The following GPC5 variants were observed in gnomAD, a reference collection of about 807,000 sequenced individuals.
GPC5 encodes glypican 5, also known as glypican-5.
In GPC5, 47 loss-of-function variants were observed where a neutral mutation model predicts 53.9. That is an observed-to-expected ratio of 0.87 (90% CI 0.69 to 1.11). GPC5 has a LOEUF of 1.11. Ranked by LOEUF, GPC5 falls within the 50% of genes most tolerant of loss-of-function variation. GPC5 has a pLI of 0.00. For synonymous variants in GPC5, 286 were observed against 263.3 expected (o/e 1.09, Z -0.84); for missense variants, 748 against 713.1 (o/e 1.05, Z -0.56).
chr13:92,125,928 T>TG (rs2041692373), intron 6 of GPC5, among the ~76,000 whole-genome samples: 2 of 3,238 alleles, frequency 6.2e-4, no homozygotes, highest in African/African-American at 1.1e-3. Flanking sequence ...TTTTTGGTTT[T>TG]TTTTTTTTTT....
intron 5 of GPC5, among the ~76,000 whole-genome samples, chr13:91,765,263 C>A (rs2138675862): frequency 6.6e-6 from 1 of 152,352 alleles, no homozygotes; most frequent in South Asian, 2.1e-4. Flanking sequence ...TGAGGGAATG[C>A]CGTAGCAGTT....
At chr13:91,915,937 G>T (rs1468110881) in intron 6 of GPC5, among the ~76,000 whole-genome samples, 2 of 152,004 alleles carry the variant, frequency 1.3e-5, no homozygotes, top group East Asian at 3.9e-4. Context: ...TAATTTCAAA[G>T]AATTAAAAAA....
At chr13:91,682,544 T>C (rs1370802155) in intron 2 of GPC5, among the ~76,000 whole-genome samples, 1 of 152,194 alleles carries the variant, frequency 6.6e-6, no homozygotes, top group African/African-American at 2.4e-5. Context: ...TTATAGGGCA[T>C]TTGAACCAAA....
chr13:92,329,180 G>A (rs1184273942), intron 7 of GPC5, among the ~76,000 whole-genome samples: 1 of 152,088 alleles, frequency 6.6e-6, no homozygotes, highest in Non-Finnish European at 1.5e-5. Flanking sequence ...CTGAGGCTGG[G>A]TAATTGATAA....
At chr13:92,332,711 G>T (rs1236101709) in intron 7 of GPC5, among the ~76,000 whole-genome samples, 1 of 152,072 alleles carries the variant, frequency 6.6e-6, no homozygotes, top group Non-Finnish European at 1.5e-5. Context: ...GACAAAAACA[G>T]AAAAAGACTA....
chr13:92,506,132 T>A (rs1187780512), intron 7 of GPC5, among the ~76,000 whole-genome samples: 1 of 152,132 alleles, frequency 6.6e-6, no homozygotes, highest in African/African-American at 2.4e-5. Context: ...AAATATGACC[T>A]TAAAAATAAT....
chr13:91,528,958 G>A (rs1886212448), intron 2 of GPC5, among the ~76,000 whole-genome samples: 1 of 152,160 alleles, frequency 6.6e-6, no homozygotes, highest in South Asian at 2.1e-4. Flanking sequence ...TTCCCACTAG[G>A]TCTCTCCCTC....
At chr13:92,056,063 T>C (rs1180067679) in intron 6 of GPC5, among the ~76,000 whole-genome samples, 1 of 152,200 alleles carries the variant, frequency 6.6e-6, no homozygotes, top group Admixed American at 6.5e-5. Flanking sequence ...ATTGCTCCCA[T>C]ACCCAACTAC....
At chr13:92,616,297 A>G in intron 7 of GPC5, among the ~76,000 whole-genome samples, 1 of 152,190 alleles carries the variant, frequency 6.6e-6, no homozygotes, top group Non-Finnish European at 1.5e-5. Context: ...ATAGAAACAC[A>G]AAGAGAGTTT....
Position 91,827,129 on chromosome 13 carries a change from C to T in GPC5, c.1280+70709C>T, listed in dbSNP as rs372006489. On this transcript the variant is annotated intron_variant, in intron 5 of 7. Coordinates refer to ENST00000377067, the MANE Select transcript of GPC5 (RefSeq NM_004466.6). ...TAAATGCTTGTGGTGGAAGATATCC[C>T]AATTACCCTGATGTGATCATTACAT... Among the ~76,000 whole-genome samples the T allele has an allele frequency of 5.9e-5, 9 of 151,778 alleles. No homozygotes were observed. In the East Asian group the frequency reaches 1.5e-3, roughly 26 times the overall value.
chr13:92,797,833 A>G (rs1053814415), intron 7 of GPC5, among the ~76,000 whole-genome samples: 1 of 148,952 alleles, frequency 6.7e-6, no homozygotes, highest in Non-Finnish European at 1.5e-5. Flanking sequence ...AGATAGATAG[A>G]TAGATAGATA....
rs749741111 is a variant in GPC5 at position 92,474,398 on chromosome 13, C to G, written c.1561+329409C>G. ...AAATGAAAACCAAGTAATTGTGTTA[C>G]GGTGGCCATTTGCATTTATTTCAGA... On this transcript the variant is annotated intron_variant, in intron 7 of 7. Coordinates refer to ENST00000377067, the MANE Select transcript of GPC5 (RefSeq NM_004466.6). 1.3e-5 allele frequency among the ~76,000 whole-genome samples: 2 copies of G among 152,078 alleles called. 1 individual carries two copies. Among genetic ancestry groups the G allele is most frequent in the East Asian group, 3.9e-4 (2 of 5,166 alleles).
chr13:91,440,101 G>A (rs2147195), intron 1 of GPC5, among the ~76,000 whole-genome samples: 78,341 of 151,844 alleles, frequency 0.52, 20,536 homozygotes, highest in East Asian at 0.71. Context: ...GGTTCAAGGA[G>A]CTTCTTAAAT....
chr13:92,694,166 G>A (rs1887493442), intron 7 of GPC5, among the ~76,000 whole-genome samples: 1 of 152,224 alleles, frequency 6.6e-6, no homozygotes, highest in Admixed American at 6.5e-5. Context: ...GGAAATGCCT[G>A]GATGTCCAGG....
chr13:91,555,123 A>G (rs1009201352), intron 2 of GPC5, among the ~76,000 whole-genome samples: 1 of 152,066 alleles, frequency 6.6e-6, no homozygotes, highest in African/African-American at 2.4e-5. Flanking sequence ...TACAGATTCC[A>G]TATGCCCTTC....
At chr13:91,485,180 A>G (rs1461589274) in intron 2 of GPC5, among the ~76,000 whole-genome samples, 6 of 150,078 alleles carry the variant, frequency 4.0e-5, no homozygotes, top group African/African-American at 1.5e-4. Flanking sequence ...ATAATCTGCT[A>G]TGTTTGTTTC....
At chr13:91,838,700 A>G (rs946770207) in intron 5 of GPC5, among the ~76,000 whole-genome samples, 2 of 152,080 alleles carry the variant, frequency 1.3e-5, no homozygotes, top group Non-Finnish European at 2.9e-5. Flanking sequence ...TGGGGCTTTT[A>G]TATTTTCCCT....
At position 91,838,922 on chromosome 13, in the gene GPC5, G is replaced by C. The variant is rs1227559164; in HGVS notation, c.1281-69015G>C. Among the ~76,000 whole-genome samples, 6 of 152,172 alleles carry C rather than the reference G, an allele frequency of 3.9e-5. 1 individual carries two copies. The South Asian group carries it at 1.2e-3, about 32-fold the overall frequency. On this transcript the variant is annotated intron_variant, in intron 5 of 7. Transcript: ENST00000377067. ...TCAAGAGCACTCAAAATAACATCAT[G>C]AAATAGAGCCCTGAACCATGTTTCC...
At chr13:91,795,453 TA>T (rs1326825645) in intron 5 of GPC5, among the ~76,000 whole-genome samples, 1 of 152,230 alleles carries the variant, frequency 6.6e-6, no homozygotes, top group African/African-American at 2.4e-5. Flanking sequence ...ATTAAATAGA[TA>T]TTTTTATTGC....
Sources: allele counts gnomAD v4.1 joint callset (sites outside exome capture counted in the v4.1 genomes callset), GRCh38; gene constraint gnomAD v4.1.1; transcripts MANE v1.5; gene names NCBI Gene and HGNC (gene_info 2026-07-23, HGNC 2026-07-21).